DNAH14: variants seen among roughly 807,000 people sequenced by gnomAD.
The protein encoded by DNAH14 is axonemal beta dynein heavy chain 14.
Under a neutral mutation model 520.9 loss-of-function variants are expected in DNAH14, and 478 were observed. The observed-to-expected ratio is 0.92, with a 90% confidence interval of 0.85 to 0.99. The LOEUF is 0.99. Ranked by LOEUF, DNAH14 falls within the 50% of genes least tolerant of loss-of-function variation. The pLI is 0.00. For synonymous variants in DNAH14, 1,581 were observed against 1,757.2 expected, an observed-to-expected ratio of 0.90 and a Z score of 2.51; for missense variants, 4,831 against 5,234.5, an observed-to-expected ratio of 0.92 and a Z score of 2.38.
chr1:225,292,014 G>A (rs2093903748), intron 55 of DNAH14, among the ~76,000 whole-genome samples: 1 of 151,988 alleles, frequency 6.6e-6, no homozygotes, highest in South Asian at 2.1e-4. Context: ...TGAATCATTT[G>A]CAAATATTTT....
chr1:225,117,192 G>A (rs150370472), intron 23 of DNAH14, among the ~76,000 whole-genome samples: 12 of 152,140 alleles, frequency 7.9e-5, no homozygotes, highest in African/African-American at 2.7e-4. Flanking sequence ...AGAAAGGAGT[G>A]AGAAATATAG....
intron 54 of DNAH14, among the ~76,000 whole-genome samples, chr1:225,285,091 C>A (rs1156963250): frequency 6.6e-6 from 1 of 152,174 alleles, no homozygotes; most frequent in East Asian, 1.9e-4. Flanking sequence ...TTTTGCCTTA[C>A]AATTTCTATT....
intron 49 of DNAH14, among the ~76,000 whole-genome samples, chr1:225,269,972 G>T (rs932708049): frequency 1.3e-5 from 2 of 152,144 alleles, no homozygotes; most frequent in African/African-American, 2.4e-5. Flanking sequence ...CCATTACTGG[G>T]TATATACTCA....
At chr1:225,220,742 GA>G (rs2089971090) in intron 41 of DNAH14, among the ~76,000 whole-genome samples, 30 of 152,226 alleles carry the variant, frequency 2.0e-4, no homozygotes, top group African/African-American at 7.0e-4. Flanking sequence ...ATAATTTATA[GA>G]TTCAATGCTA....
Position 225,377,295 on chromosome 1 carries a change from C to A in DNAH14, c.12575C>A (p.Ser4192Tyr), listed in dbSNP as rs2095713296. The change falls in exon 79 of 86, where the codon TCC (serine) becomes TAC (tyrosine). Residue 4192 changes from serine to tyrosine, a missense_variant. Coordinates refer to ENST00000682510, the MANE Select transcript of DNAH14 (RefSeq NM_001367479.1). Reference sequence around the variant, plus strand: ...AAGGACTACATACACATTATCCAGTCCTTACCTGATGATGACCTTCCCGAG... The same window carrying A: ...AAGGACTACATACACATTATCCAGTACTTACCTGATGATGACCTTCCCGAG... ...SIKDYIHIIQ[S>Y]LPDDDLPEVL... 2.6e-6 allele frequency: 4 copies of A among 1,549,616 alleles called. No homozygotes were observed. Among genetic ancestry groups the A allele is most frequent in the Non-Finnish European group, 3.5e-6 (4 of 1,146,044 alleles).
intron 31 of DNAH14, among the ~76,000 whole-genome samples, chr1:225,147,980 C>A (rs2080111462): frequency 5.9e-5 from 9 of 152,288 alleles, no homozygotes; most frequent in Admixed American, 5.9e-4. Flanking sequence ...TTTTTTATGG[C>A]TGCATAGTAT....
intron 22 of DNAH14, among the ~76,000 whole-genome samples, chr1:225,099,244 T>A (rs1573056867): frequency 6.6e-6 from 1 of 152,122 alleles, no homozygotes; most frequent in Non-Finnish European, 1.5e-5. Context: ...GGAAGTGGTC[T>A]TGGGAAATCT....
At chr1:225,122,484 T>C (rs1042137794) in intron 26 of DNAH14, among the ~76,000 whole-genome samples, 2 of 151,998 alleles carry the variant, frequency 1.3e-5, no homozygotes, top group East Asian at 1.9e-4. Flanking sequence ...CATATACTTA[T>C]AGTATATCAA....
intron 4 of DNAH14, chr1:224,961,074 T>A (rs1351987691): frequency 6.6e-6 from 1 of 152,128 alleles, no homozygotes; most frequent in Non-Finnish European, 1.5e-5. Flanking sequence ...CAATACTCCA[T>A]TTTGCTGGTG....
Position 225,337,372 on chromosome 1 carries a change from G to A in DNAH14, c.10187G>A (p.Arg3396Lys), listed in dbSNP as rs2095079025. Residue 3396 changes from arginine to lysine, a missense_variant, in exon 67 of 86, where the codon AGG becomes AAG. Coordinates refer to ENST00000682510, the MANE Select transcript of DNAH14 (RefSeq NM_001367479.1). ...QQWPLLIDPH[R>K]QAHKWIRQME... ...TGGCCACTGCTGATTGACCCACATA[G>A]GCAAGCTCACAAATGGATCCGTCAG... 1.3e-6 allele frequency: 2 copies of A among 1,551,494 alleles called. No homozygotes were observed. Among genetic ancestry groups the A allele is most frequent in the Admixed American group, 3.9e-5 (2 of 50,962 alleles).
At chr1:225,004,132 T>C (rs970375445) in intron 9 of DNAH14, among the ~76,000 whole-genome samples, 3 of 152,124 alleles carry the variant, frequency 2.0e-5, no homozygotes, top group Non-Finnish European at 4.4e-5. Flanking sequence ...ATCTATTATA[T>C]GCGAAATGCT....
chr1:225,267,966 C>T (rs1020089614), intron 49 of DNAH14, among the ~76,000 whole-genome samples: 1 of 151,960 alleles, frequency 6.6e-6, no homozygotes, highest in Non-Finnish European at 1.5e-5. Flanking sequence ...CTGGACAATT[C>T]CCTGAACTGA....
At chr1:225,353,181 A>G (rs2095390362) in intron 72 of DNAH14, among the ~76,000 whole-genome samples, 1 of 152,090 alleles carries the variant, frequency 6.6e-6, no homozygotes, top group African/African-American at 2.4e-5. Context: ...CCATAGAAAT[A>G]AGAGGTAAGT....
At chr1:225,223,204 G>A (rs1015535289) in intron 41 of DNAH14, among the ~76,000 whole-genome samples, 3 of 152,128 alleles carry the variant, frequency 2.0e-5, no homozygotes, top group Non-Finnish European at 2.9e-5. Context: ...TAGCCTGCCC[G>A]GTAATGCAAG....
intron 43 of DNAH14, among the ~76,000 whole-genome samples, chr1:225,242,729 A>G (rs1021418740): frequency 1.3e-5 from 2 of 152,254 alleles, no homozygotes; most frequent in Non-Finnish European, 2.9e-5. Flanking sequence ...GTCATTTATC[A>G]TCATTATCAA....
intron 8 of DNAH14, among the ~76,000 whole-genome samples, chr1:224,983,310 T>C (rs2062402258): frequency 2.0e-5 from 3 of 152,146 alleles, no homozygotes; most frequent in South Asian, 4.1e-4. Context: ...AATGCCTTTT[T>C]CCACCCCTTT....
At chr1:225,013,387 A>G (rs2064959944) in intron 10 of DNAH14, among the ~76,000 whole-genome samples, 1 of 152,122 alleles carries the variant, frequency 6.6e-6, no homozygotes, top group Non-Finnish European at 1.5e-5. Context: ...GCTCTCCTGT[A>G]TGAGGTGTCT....
At chr1:224,952,407 T>C (rs934286058) in intron 1 of DNAH14, among the ~76,000 whole-genome samples, 8 of 152,220 alleles carry the variant, frequency 5.3e-5, no homozygotes, top group African/African-American at 1.9e-4. Context: ...AAGCTAAAAT[T>C]GTATGTACAT....
chr1:225,212,876 G>A (rs2088657193), intron 41 of DNAH14, among the ~76,000 whole-genome samples: 1 of 152,142 alleles, frequency 6.6e-6, no homozygotes, highest in East Asian at 1.9e-4. Context: ...CACTCTGATG[G>A]TAGTTTCTTT....
Sources: allele counts gnomAD v4.1 joint callset (sites outside exome capture counted in the v4.1 genomes callset), GRCh38; gene constraint gnomAD v4.1.1; transcripts MANE v1.5; gene names NCBI Gene and HGNC (gene_info 2026-07-23, HGNC 2026-07-21).